The following CAST variants were observed in gnomAD, a reference collection of about 807,000 sequenced individuals.
CAST encodes calpastatin.
A neutral mutation model predicts 119.6 loss-of-function variants in CAST; 76 were observed. The ratio of observed to expected loss-of-function variants is 0.64; its 90% confidence interval spans 0.53 to 0.77. CAST has a LOEUF of 0.77. CAST is among the 30% of genes least tolerant of loss of function. The pLI, the probability that CAST is intolerant of heterozygous loss-of-function variation, is 0.00. For synonymous variants in CAST, 319 were observed against 331.6 expected, an observed-to-expected ratio of 0.96 and a Z score of 0.41; for missense variants, 953 against 946.5, an observed-to-expected ratio of 1.01 and a Z score of -0.09.
chr5:96,450,099 G>A, the CAST span, among the ~76,000 whole-genome samples: 1 of 152,122 alleles, frequency 6.6e-6, no homozygotes, highest in Non-Finnish European at 1.5e-5. Flanking sequence ...TTTATCAAAT[G>A]CACTTGTATG....
chr5:96,202,954 C>A, the CAST span, among the ~76,000 whole-genome samples: 1 of 151,874 alleles, frequency 6.6e-6, no homozygotes, highest in Non-Finnish European at 1.5e-5. Context: ...ATTTTTCTTG[C>A]AAAAATAATT....
chr5:96,313,296 G>A, the CAST span, among the ~76,000 whole-genome samples: 1 of 152,096 alleles, frequency 6.6e-6, no homozygotes, highest in Non-Finnish European at 1.5e-5. Context: ...CCAAAATCAA[G>A]ATATAGATTT....
the CAST span, among the ~76,000 whole-genome samples, chr5:96,028,144 T>C: frequency 6.6e-6 from 1 of 152,268 alleles, no homozygotes; most frequent in East Asian, 1.9e-4. Context: ...TTGAATGTTT[T>C]GTGACAGAAA....
rs576440065 is a variant in CAST at position 96,640,622 on chromosome 5, A to C, written c.61-34917A>C. Among the ~76,000 whole-genome samples, 3 of 152,294 alleles carry C rather than the reference A, an allele frequency of 2.0e-5. No individual in the cohort carries two copies. The South Asian group carries it at 6.2e-4, about 32-fold the overall frequency. Reference sequence around the variant, plus strand: ...CCTATGGAAGGGAAGGGAGGAATGGAAAAAAGGGGAGCTGAGCTGGGATGC... The same window carrying C: ...CCTATGGAAGGGAAGGGAGGAATGGCAAAAAGGGGAGCTGAGCTGGGATGC... On this transcript the variant is annotated intron_variant, in intron 1 of 11. Coordinates refer to the CAST transcript ENST00000505143.
the CAST span, among the ~76,000 whole-genome samples, chr5:96,462,694 G>C: frequency 1.3e-5 from 2 of 152,074 alleles, no homozygotes; most frequent in Non-Finnish European, 2.9e-5. Flanking sequence ...AGATGATATG[G>C]TTTGGCTCTG....
At chr5:95,996,461 A>G in the CAST span, among the ~76,000 whole-genome samples, 20 of 152,200 alleles carry the variant, frequency 1.3e-4, no homozygotes, top group African/African-American at 3.9e-4. Flanking sequence ...ATACTTTTAT[A>G]ATGGCTTCTT....
At chr5:96,054,937 G>A in the CAST span, among the ~76,000 whole-genome samples, 1 of 152,114 alleles carries the variant, frequency 6.6e-6, no homozygotes, top group Non-Finnish European at 1.5e-5. Context: ...ATCTCAGTGG[G>A]TGGATGGATT....
chr5:96,763,352 G>C, intron 25 of CAST: 1 of 737,170 alleles, frequency 1.4e-6, no homozygotes, highest in Non-Finnish European at 2.5e-6. Flanking sequence ...CCGTGTGTGT[G>C]TATGTGCATG....
chr5:96,410,514 G>A, the CAST span, among the ~76,000 whole-genome samples: 2 of 152,032 alleles, frequency 1.3e-5, no homozygotes, highest in Non-Finnish European at 1.5e-5. Context: ...TCCGCTGTGT[G>A]TAATGACAGG....
At chr5:96,019,800 G>A in the CAST span, among the ~76,000 whole-genome samples, 1 of 152,084 alleles carries the variant, frequency 6.6e-6, no homozygotes, top group East Asian at 1.9e-4. Context: ...AACGTAAATA[G>A]ACATTTTAAA....
chr5:95,986,641 A>G, the CAST span, among the ~76,000 whole-genome samples: 2 of 152,286 alleles, frequency 1.3e-5, no homozygotes, highest in South Asian at 2.1e-4. Context: ...CTGAAACAAA[A>G]AATAAGCCTG....
At chr5:96,360,424 A>T in the CAST span, among the ~76,000 whole-genome samples, 1 of 151,756 alleles carries the variant, frequency 6.6e-6, no homozygotes, top group Non-Finnish European at 1.5e-5. Flanking sequence ...TGGTTTTTGA[A>T]TTTTCAGCCA....
At chr5:96,584,562 C>T (rs1181962497) in intron 1 of CAST, 1 of 152,190 alleles carries the variant, frequency 6.6e-6, no homozygotes, top group African/African-American at 2.4e-5. Context: ...GTTATTTTAA[C>T]AGACAAAACG....
At chr5:96,077,625 T>C in the CAST span, among the ~76,000 whole-genome samples, 3 of 152,162 alleles carry the variant, frequency 2.0e-5, no homozygotes, top group African/African-American at 7.2e-5. Flanking sequence ...AAGTTCTCCC[T>C]CTATTAGTTC....
At chr5:96,466,592 A>T in the CAST span, among the ~76,000 whole-genome samples, 25 of 151,828 alleles carry the variant, frequency 1.6e-4, no homozygotes, top group African/African-American at 6.1e-4. Context: ...TTCCATAAAC[A>T]GGCAGACAAA....
At chr5:96,108,241 G>A in the CAST span, among the ~76,000 whole-genome samples, 2 of 152,228 alleles carry the variant, frequency 1.3e-5, no homozygotes, top group East Asian at 1.9e-4. Context: ...GTCATTCTCT[G>A]TCCAGCTTTT....
At chr5:96,299,624 GA>G in the CAST span, among the ~76,000 whole-genome samples, 3 of 152,182 alleles carry the variant, frequency 2.0e-5, no homozygotes, top group African/African-American at 7.2e-5. Context: ...ACTACTACTA[GA>G]AGCTCTGGGT....
chr5:96,332,741 C>A, the CAST span, among the ~76,000 whole-genome samples: 2 of 152,268 alleles, frequency 1.3e-5, no homozygotes, highest in African/African-American at 4.8e-5. Flanking sequence ...GCTGACACTG[C>A]ATAGGTTCCT....
chr5:96,364,214 G>A, the CAST span, among the ~76,000 whole-genome samples: 1 of 152,186 alleles, frequency 6.6e-6, no homozygotes, highest in Non-Finnish European at 1.5e-5. Context: ...GCCTTTTGAT[G>A]TGCTGCTGGA....
Sources: gnomAD v4.1 joint callset for allele counts (sites outside exome capture counted in the v4.1 genomes callset) on GRCh38, gnomAD v4.1.1 for gene constraint, MANE v1.5 for transcripts, NCBI Gene and HGNC (gene_info 2026-07-23, HGNC 2026-07-21) for gene names.